Variants in ASCC3 observed in about 807,000 individuals in gnomAD.
ASCC3 encodes ASC-1 complex subunit P200.
In ASCC3, 158 loss-of-function variants were observed where a neutral mutation model predicts 256.3. The ratio of observed to expected loss-of-function variants is 0.62; its 90% CI spans 0.54 to 0.70. The LOEUF (loss-of-function observed/expected upper bound fraction) is 0.70. ASCC3 is among the 30% of genes least tolerant of loss of function. ASCC3 has a pLI of 0.00. For synonymous variants in ASCC3, 948 were observed against 883.4 expected (o/e 1.07, Z -1.30); for missense variants, 2,259 against 2,626.0 (o/e 0.86, Z 3.05).
At chr6:100,839,055 A>G (rs1418285687) in intron 4 of ASCC3, among the ~76,000 whole-genome samples, 1 of 152,056 alleles carries the variant, frequency 6.6e-6, no homozygotes, top group East Asian at 1.9e-4. Context: ...AAATGCATTT[A>G]TCTTATTTCT....
intron 37 of ASCC3, among the ~76,000 whole-genome samples, chr6:100,529,259 T>A (rs1225306413): frequency 6.6e-6 from 1 of 152,176 alleles, no homozygotes; most frequent in East Asian, 1.9e-4. Context: ...TTCTTCCTTC[T>A]CCCTATGGAT....
intron 8 of ASCC3, among the ~76,000 whole-genome samples, chr6:100,785,993 T>C (rs1010133594): frequency 2.0e-5 from 3 of 152,144 alleles, no homozygotes; most frequent in African/African-American, 7.2e-5. Context: ...TACCCTCTTC[T>C]TGGGAGGGTA....
At chr6:100,614,132 ACTTTTATCT>A (rs1408635621) in intron 30 of ASCC3, among the ~76,000 whole-genome samples, 1 of 152,142 alleles carries the variant, frequency 6.6e-6, no homozygotes, top group African/African-American at 2.4e-5. Context: ...TCTGATTATA[ACTTTTATCT>A]TTATTTCCAT....
intron 13 of ASCC3, among the ~76,000 whole-genome samples, chr6:100,699,320 T>C (rs1026733032): frequency 2.6e-5 from 4 of 152,146 alleles, no homozygotes; most frequent in African/African-American, 7.2e-5. Flanking sequence ...CTGACAGTTT[T>C]AAAAACGGGA....
chr6:100,651,350 A>C (rs1032896705), intron 19 of ASCC3, among the ~76,000 whole-genome samples: 2 of 151,916 alleles, frequency 1.3e-5, no homozygotes, highest in African/African-American at 4.8e-5. Context: ...AATTTAAATT[A>C]TTTGATGTGG....
intron 36 of ASCC3, among the ~76,000 whole-genome samples, chr6:100,544,526 A>G (rs2114671790): frequency 6.6e-6 from 1 of 152,224 alleles, no homozygotes; most frequent in Admixed American, 6.5e-5. Context: ...ATTAAAAAAT[A>G]ATATGAACAG....
chr6:100,718,063 ATGAG>A lies in ASCC3; in HGVS notation c.2079+8_2079+11del. On this transcript the variant is annotated splice_region_variant and intron_variant, in intron 12 of 41. Transcript: ENST00000369162. ...AAAATATTTTTAGATAAGAATTAAA[ATGAG>A]TATTTACCTTATTTGCACATTTAAT... 6.2e-7 allele frequency: 1 copy of A among 1,610,508 alleles called. No individual in the cohort carries two copies. Among genetic ancestry groups the A allele is most frequent in the Non-Finnish European group, 8.5e-7 (1 of 1,177,464 alleles).
intron 25 of ASCC3, among the ~76,000 whole-genome samples, chr6:100,634,676 T>C (rs796076329): frequency 7.9e-5 from 12 of 151,164 alleles, no homozygotes; most frequent in African/African-American, 2.7e-4. Flanking sequence ...GAAATGCAAA[T>C]TAAAATCACA....
intron 30 of ASCC3, among the ~76,000 whole-genome samples, chr6:100,612,173 A>G (rs1007873629): frequency 1.3e-5 from 2 of 152,012 alleles, no homozygotes; most frequent in Non-Finnish European, 2.9e-5. Context: ...ATTATACTCA[A>G]AAAGCTTTTG....
In ASCC3 at chr6:100,721,880, C is replaced by T. The variant is rs12211495; in HGVS notation, c.1903-3629G>A. Among the ~76,000 whole-genome samples the T allele has an allele frequency of 3.9e-3, 595 of 151,318 alleles. 2 individuals are homozygous for T. The highest frequency in any genetic ancestry group is 6.3e-3 in the Non-Finnish European group (423 of 67,548). On this transcript the variant is annotated intron_variant, in intron 11 of 41. Transcript: ENST00000369162. Reference sequence around the variant, plus strand: ...TTTTTGGTTTTGTTACAGTTGCTTTCGGGGACTTAGCTAAAAATTCTTTGC... The same window carrying T: ...TTTTTGGTTTTGTTACAGTTGCTTTTGGGGACTTAGCTAAAAATTCTTTGC...
chr6:100,737,353 C>T (rs1780226783), intron 10 of ASCC3, among the ~76,000 whole-genome samples: 1 of 151,972 alleles, frequency 6.6e-6, no homozygotes, highest in Non-Finnish European at 1.5e-5. Flanking sequence ...AGCCCAGCAT[C>T]CCTTAGCTAT....
At chr6:100,728,031 G>A (rs1320021074) in intron 10 of ASCC3, among the ~76,000 whole-genome samples, 1 of 151,994 alleles carries the variant, frequency 6.6e-6, no homozygotes, top group East Asian at 1.9e-4. Context: ...TTCTCTATGT[G>A]TCAAAAGTAA....
chr6:100,555,419 G>A (rs561722275), intron 36 of ASCC3, among the ~76,000 whole-genome samples: 6 of 152,106 alleles, frequency 3.9e-5, no homozygotes, highest in Non-Finnish European at 7.4e-5. Flanking sequence ...ATTAGGACAA[G>A]CACATAAGCA....
At chr6:100,598,163 C>T (rs914713995) in intron 34 of ASCC3, among the ~76,000 whole-genome samples, 12 of 152,082 alleles carry the variant, frequency 7.9e-5, no homozygotes, top group Middle Eastern at 3.4e-3. Flanking sequence ...CTTATGTAGA[C>T]GGTGTGGGTT....
intron 4 of ASCC3, among the ~76,000 whole-genome samples, chr6:100,812,525 C>T (rs1770523765): frequency 6.6e-6 from 1 of 151,476 alleles, no homozygotes; most frequent in Non-Finnish European, 1.5e-5. Flanking sequence ...TGAAATTATA[C>T]ACTACAGTAA....
At chr6:100,741,434 T>C (rs935133788) in intron 10 of ASCC3, among the ~76,000 whole-genome samples, 2 of 152,170 alleles carry the variant, frequency 1.3e-5, no homozygotes, top group Admixed American at 6.5e-5. Flanking sequence ...GCCTGTCTTT[T>C]TAGGTTGGGG....
At chr6:100,846,430 C>G (rs1032655062) in intron 4 of ASCC3, among the ~76,000 whole-genome samples, 1 of 152,150 alleles carries the variant, frequency 6.6e-6, no homozygotes, top group Non-Finnish European at 1.5e-5. Context: ...AACTACCACT[C>G]AAGCCACTGA....
chr6:100,559,982 G>A (rs568759916), intron 36 of ASCC3, among the ~76,000 whole-genome samples: 9 of 152,216 alleles, frequency 5.9e-5, no homozygotes, highest in Admixed American at 2.0e-4. Flanking sequence ...CAAGTGTCAC[G>A]TGGAAATCTT....
intron 16 of ASCC3, among the ~76,000 whole-genome samples, chr6:100,659,185 G>A (rs768700795): frequency 4.6e-5 from 7 of 151,352 alleles, no homozygotes; most frequent in Non-Finnish European, 1.0e-4. Flanking sequence ...AATCTAGCAC[G>A]ACTCTAATGT....
Sources: gnomAD v4.1 joint callset for allele counts (sites outside exome capture counted in the v4.1 genomes callset) on GRCh38, gnomAD v4.1.1 for gene constraint, MANE v1.5 for transcripts, NCBI Gene and HGNC (gene_info 2026-07-23, HGNC 2026-07-21) for gene names.